CCDC74B: variants seen among roughly 807,000 people sequenced by gnomAD.
CCDC74B encodes coiled-coil domain-containing protein 74B.
A neutral mutation model predicts 38.0 loss-of-function variants in CCDC74B; 34 were observed. The ratio of observed to expected loss-of-function variants is 0.89; its 90% CI spans 0.68 to 1.19. The LOEUF (loss-of-function observed/expected upper bound fraction) is 1.19. Ranked by LOEUF, CCDC74B falls within the 50% of genes most tolerant of loss-of-function variation. CCDC74B has a pLI of 0.00. For missense variants in CCDC74B, 358 were observed against 406.0 expected (o/e 0.88, Z 1.02); for synonymous variants, 132 against 170.4 (o/e 0.77, Z 1.76).
rs773102736 is a variant in CCDC74B at position 130,143,083 on chromosome 2, G to C, written c.295+186C>G. On this transcript the variant is annotated intron_variant, in intron 2 of 7. Coordinates refer to ENST00000409943, the MANE Select transcript of CCDC74B (RefSeq NM_001258307.2). ...GGGCTTCCTGAGAGCAGCACGTGCTGTGCTTGGCTGCGTAACATCATCCAG... is the reference window on the plus strand; with the variant it reads ...GGGCTTCCTGAGAGCAGCACGTGCTCTGCTTGGCTGCGTAACATCATCCAG... 2.0e-6 allele frequency: 3 copies of C among 1,485,244 alleles called. No individual in the cohort carries two copies. In the East Asian group the frequency reaches 7.4e-5, roughly 37 times the overall value. The allele number at this position is 1,485,244 out of a possible 1,614,324, so 92.0% of individuals were successfully genotyped here.
At position 130,143,285 on chromosome 2, in the gene CCDC74B, C is replaced by T. The variant is rs1255317818; in HGVS notation, c.279G>A (p.Gln93=). The T allele has an allele frequency of 1.2e-6, 2 of 1,614,002 alleles. No individual in the cohort carries two copies. Among genetic ancestry groups the T allele is most frequent in the Admixed American group, 1.7e-5 (1 of 60,022 alleles). Residue 93 remains glutamine (Q), a synonymous_variant, in exon 2 of 8, where the codon CAG becomes CAA. Transcript: ENST00000409943. ...AGTTCTCACCTTTCTTCTGTGATGTCTGATTCATTATGAGCTTGTAACGGA... is the reference window on the plus strand; with the variant it reads ...AGTTCTCACCTTTCTTCTGTGATGTTTGATTCATTATGAGCTTGTAACGGA... The part of the protein sequence containing the change: ...KDLRYKLIMN[Q]TSQKKDSLST...
At position 130,139,874 on chromosome 2, in the gene CCDC74B, A is replaced by C. The variant is rs900090192; in HGVS notation, c.809+17T>G. ...GCTGCAGGGCTGCCCCACTGTCCCC[A>C]TGCCTGTGGGACTTACCATTTCTTG... On this transcript the variant is annotated intron_variant, in intron 7 of 7. Transcript: ENST00000409943. 1 of 1,609,800 alleles carries C rather than the reference A, an allele frequency of 6.2e-7. No individual in the cohort carries two copies.
At chr2:130,144,665 G>A (rs772409083) in intron 1 of CCDC74B, 82 bp downstream of exon 1, 1 of 1,567,718 alleles carries the variant, frequency 6.4e-7, no homozygotes, top group Admixed American at 1.9e-5. Flanking sequence ...GGAGTTGATG[G>A]CTGTGTTTCT....
intron 2 of CCDC74B, chr2:130,142,824 G>A (rs1369885664): frequency 6.5e-7 from 1 of 1,550,088 alleles, no homozygotes; most frequent in Non-Finnish European, 8.7e-7. Context: ...CTGCCCAGAT[G>A]GCAGGAAGGG....
Position 130,144,874 on chromosome 2 carries a change from G to A in CCDC74B, c.123C>T (p.Leu41=), listed in dbSNP as rs781654805. ...TCCGTTTCTGCGGGTCGCTCTGCCT[G>A]AGCTGCGGGCTCTGCGGCCTCAAGG... ...VQSLRPQSPQ[L]RQSDPQKRNL... Residue 41 remains leucine, a synonymous_variant, in exon 1 of 8, where the codon CTC becomes CTT. Coordinates refer to ENST00000409943, the MANE Select transcript of CCDC74B (RefSeq NM_001258307.2). 5 of 1,613,228 alleles carry A rather than the reference G, an allele frequency of 3.1e-6. No individual in the cohort carries two copies. The African/African-American group carries it at 6.7e-5, about 22-fold the overall frequency.
At chr2:130,142,058 C>T in intron 3 of CCDC74B, 75 bp downstream of exon 3, 1 of 1,587,172 alleles carries the variant, frequency 6.3e-7, no homozygotes, top group Non-Finnish European at 8.6e-7. Context: ...CTGGTCAGCA[C>T]CCCTAGAGGC....
chr2:130,140,015 G>C lies in CCDC74B; in HGVS notation c.752+8C>G, dbSNP rs1255719518. The C allele has an allele frequency of 6.2e-7, 1 of 1,603,408 alleles. No individual in the cohort carries two copies. ...CAGGGATGGGGCAGGGGTGCACCAGGCACTCACCTGGGAAAGCTAGCTTCC... is the reference window on the plus strand; with the variant it reads ...CAGGGATGGGGCAGGGGTGCACCAGCCACTCACCTGGGAAAGCTAGCTTCC... On this transcript the variant is annotated splice_region_variant and intron_variant, in intron 6 of 7. Transcript: ENST00000409943.
intron 3 of CCDC74B, chr2:130,141,708 C>G (rs1021358419): frequency 5.4e-6 from 2 of 368,824 alleles, no homozygotes; most frequent in Non-Finnish European, 9.8e-6. Context: ...AAAAGAGGCT[C>G]TCTGCTCCCA....
At position 130,139,445 on chromosome 2, in the gene CCDC74B, A is replaced by G. The variant is rs397833887; in HGVS notation, c.*110T>C. ...ACTTTATCTATCTTGAGTGTTATCT[A>G]TCTTGGAATTTAGCCAGGCCTAAAA... On this transcript the variant is annotated 3_prime_UTR_variant, in exon 8 of 8. Coordinates refer to ENST00000409943, the MANE Select transcript of CCDC74B (RefSeq NM_001258307.2). 156 of 1,353,442 alleles carry G rather than the reference A, an allele frequency of 1.2e-4. No individual in the cohort carries two copies. The African/African-American group carries it at 1.2e-3, about 10-fold the overall frequency. The allele number at this position is 1,353,442 out of a possible 1,614,324, so 83.8% of individuals were successfully genotyped here.
chr2:130,145,000 G>C lies in CCDC74B; in HGVS notation c.-4C>G. ...CCGCCACCCCCGCACCGCTCATATC[G>C]CCATCGCCAGGTACTCTCCCGCTGC... On this transcript the variant is annotated 5_prime_UTR_variant, in exon 1 of 8. Coordinates refer to ENST00000409943, the MANE Select transcript of CCDC74B (RefSeq NM_001258307.2). 6.9e-7 allele frequency: 1 copy of C among 1,441,772 alleles called. No individual in the cohort carries two copies. The highest frequency in any genetic ancestry group is 9.1e-7 in the Non-Finnish European group (1 of 1,095,734). 89.3% of individuals were successfully genotyped at this position (1,441,772 alleles called of 1,614,324 possible).
At chr2:130,143,670 G>T (rs1301948134) in intron 1 of CCDC74B, among the ~76,000 whole-genome samples, 2 of 152,190 alleles carry the variant, frequency 1.3e-5, no homozygotes, top group Non-Finnish European at 2.9e-5. Flanking sequence ...AGGGACTGGG[G>T]GGAGGCTCAA....
intron 1 of CCDC74B, among the ~76,000 whole-genome samples, chr2:130,144,076 G>T (rs1254955367): frequency 6.6e-6 from 1 of 152,134 alleles, no homozygotes; most frequent in African/African-American, 2.4e-5. Context: ...TGTTTAGCTG[G>T]AAGAAATTCA....
rs749804847 is a variant in CCDC74B at position 130,141,254 on chromosome 2, G to C, written c.389C>G (p.Ser130Ter). The C allele has an allele frequency of 1.9e-6, 3 of 1,602,380 alleles. No individual in the cohort carries two copies. Among genetic ancestry groups the C allele is most frequent in the South Asian group, 1.1e-5 (1 of 90,886 alleles). Residue 130 changes from serine to a stop codon, truncating the protein, a stop_gained, in exon 4 of 8, where the codon TCA becomes TGA. Transcript: ENST00000409943. LOFTEE classifies it high-confidence loss of function. The part of the protein sequence containing the change: ...PQPGSFNKQD[S>*]KADVPQKADL... The stretch of plus-strand genomic sequence containing the variant: ...CGCCTTCTGGGGGACGTCAGCTTTT[G>C]AATCTTGCTTGTTGAAGGAGCCGGG...
intron 2 of CCDC74B, chr2:130,142,446 C>A: frequency 6.2e-7 from 1 of 1,613,128 alleles, no homozygotes; most frequent in South Asian, 1.1e-5. Context: ...TGGCCTCTTC[C>A]CGTGTCCTGT....
chr2:130,139,751 T>G (rs1685470510), intron 7 of CCDC74B, 61 bp from the exon 8 acceptor site: 2 of 1,608,060 alleles, frequency 1.2e-6, no homozygotes, highest in Admixed American at 3.3e-5. Flanking sequence ...GTGTGGGGAG[T>G]GCGGCCTGCA....
intron 4 of CCDC74B, 50 bp from the exon 5 acceptor site, chr2:130,140,421 A>C: frequency 6.6e-7 from 1 of 1,507,982 alleles, no homozygotes; most frequent in Admixed American, 2.3e-5. Context: ...GGTGCGTCTA[A>C]CCACCCACCC....
At chr2:130,143,799 G>C (rs1355868400) in intron 1 of CCDC74B, among the ~76,000 whole-genome samples, 1 of 152,088 alleles carries the variant, frequency 6.6e-6, no homozygotes, top group Non-Finnish European at 1.5e-5. Context: ...AGCAGGGAAC[G>C]GGGCGGGAGA....
At chr2:130,142,870 C>T (rs1005484094) in intron 2 of CCDC74B, 2 of 1,550,390 alleles carry the variant, frequency 1.3e-6, no homozygotes, top group Non-Finnish European at 1.7e-6. Context: ...CCCCTGGGCC[C>T]CCAGCATGTC....
At chr2:130,139,776 G>A in intron 7 of CCDC74B, 86 bp from the exon 8 acceptor site, 2 of 1,606,280 alleles carry the variant, frequency 1.2e-6, no homozygotes, top group South Asian at 2.2e-5. Flanking sequence ...CCTCACGGGG[G>A]CACAGAGAGG....
Sources: allele counts gnomAD v4.1 joint callset (sites outside exome capture counted in the v4.1 genomes callset), GRCh38; gene constraint gnomAD v4.1.1; transcripts MANE v1.5; gene names NCBI Gene and HGNC (gene_info 2026-07-23, HGNC 2026-07-21).